The following MARCHF1 variants were observed in gnomAD, a reference collection of about 807,000 sequenced individuals.
The protein encoded by MARCHF1 is membrane associated ring-CH-type finger 1.
In MARCHF1, 40 loss-of-function variants were observed where a neutral mutation model predicts 54.2. That is an observed-to-expected ratio of 0.74 (90% CI 0.57 to 0.96). MARCHF1 has a LOEUF of 0.96. MARCHF1 is among the 40% of genes least tolerant of loss of function. MARCHF1 has a pLI of 0.00. For synonymous variants in MARCHF1, 236 were observed against 236.3 expected (o/e 1.00, Z 0.01); for missense variants, 586 against 656.5 (o/e 0.89, Z 1.17).
At chr4:163,543,567 G>A (rs1463686639) in intron 9 of MARCHF1, among the ~76,000 whole-genome samples, 3 of 152,082 alleles carry the variant, frequency 2.0e-5, no homozygotes, top group African/African-American at 7.2e-5. Context: ...AATTTGGGAA[G>A]TTATCAGCGG....
chr4:164,230,439 G>A (rs1037804221), intron 1 of MARCHF1, among the ~76,000 whole-genome samples: 40 of 151,616 alleles, frequency 2.6e-4, no homozygotes, highest in African/African-American at 9.4e-4. Context: ...TATTTGAGGG[G>A]AACATGTAAC....
intron 1 of MARCHF1, among the ~76,000 whole-genome samples, chr4:164,325,290 T>C (rs956476595): frequency 1.3e-5 from 2 of 148,756 alleles, no homozygotes; most frequent in Non-Finnish European, 3.0e-5. Context: ...AAGAACATCA[T>C]ACAAGAGAAA....
At chr4:164,341,621 C>T (rs753009246) in intron 1 of MARCHF1, among the ~76,000 whole-genome samples, 1 of 152,172 alleles carries the variant, frequency 6.6e-6, no homozygotes, top group African/African-American at 2.4e-5. Flanking sequence ...CCATAAATGG[C>T]ATCAGGTTGC....
chr4:164,292,333 G>GT (rs774657755), intron 1 of MARCHF1, among the ~76,000 whole-genome samples: 208 of 151,846 alleles, frequency 1.4e-3, no homozygotes, highest in Non-Finnish European at 2.1e-3. Flanking sequence ...ATGGTTATGC[G>GT]TTTTTTTTCA....
At chr4:164,268,947 G>A (rs964365952) in intron 1 of MARCHF1, among the ~76,000 whole-genome samples, 4 of 152,248 alleles carry the variant, frequency 2.6e-5, no homozygotes, top group East Asian at 1.9e-4. Flanking sequence ...TCAGAATTCT[G>A]AGAAGCTTGA....
intron 4 of MARCHF1, among the ~76,000 whole-genome samples, chr4:163,704,736 C>T (rs1241069284): frequency 1.3e-5 from 2 of 150,970 alleles, no homozygotes; most frequent in Non-Finnish European, 3.0e-5. Context: ...AAAGCTGTAT[C>T]CAGATAACAG....
At chr4:164,051,689 A>C (rs537140278) in intron 2 of MARCHF1, among the ~76,000 whole-genome samples, 21 of 152,300 alleles carry the variant, frequency 1.4e-4, no homozygotes, top group African/African-American at 4.1e-4. Context: ...AAAGTAGCAA[A>C]GCCAGCATTT....
intron 1 of MARCHF1, among the ~76,000 whole-genome samples, chr4:164,161,542 TCATCAGCAGCAGCAG>T (rs1730238344): frequency 6.6e-6 from 1 of 151,182 alleles, no homozygotes; most frequent in African/African-American, 2.4e-5. Flanking sequence ...ATCATCATCA[TCATCAGCAGCAGCAG>T]CAGCAGCAGC....
At chr4:163,821,096 CT>C (rs1748680136) in intron 4 of MARCHF1, among the ~76,000 whole-genome samples, 1 of 152,050 alleles carries the variant, frequency 6.6e-6, no homozygotes, top group Non-Finnish European at 1.5e-5. Context: ...TCTCCCTGGC[CT>C]TCTAGGCTTT....
At position 164,183,254 on chromosome 4, in the gene MARCHF1, ACTT is replaced by A. The variant is rs1434720482; in HGVS notation, c.-322-71595_-322-71593del. On this transcript the variant is annotated intron_variant, in intron 1 of 9. Transcript: ENST00000514618. ...AATTCAATTCACTCTACATAATCAT[ACTT>A]ATTATTGCCAAATGAATGTATGATT... Among the ~76,000 whole-genome samples the A allele has an allele frequency of 1.8e-4, 27 of 152,298 alleles. 1 individual carries two copies. The highest frequency in any genetic ancestry group is 6.5e-4 in the African/African-American group (27 of 41,582).
intron 5 of MARCHF1, among the ~76,000 whole-genome samples, chr4:163,638,309 C>T (rs1032472633): frequency 1.3e-5 from 2 of 149,824 alleles, no homozygotes; most frequent in African/African-American, 2.5e-5. Flanking sequence ...TGGTGAAAAA[C>T]GTATGGATCA....
chr4:163,979,805 C>T (rs1379611367), intron 3 of MARCHF1, among the ~76,000 whole-genome samples: 1 of 152,032 alleles, frequency 6.6e-6, no homozygotes, highest in Non-Finnish European at 1.5e-5. Flanking sequence ...TGTTTTTTGG[C>T]TGCATAAATG....
At chr4:163,592,438 A>T in intron 7 of MARCHF1, among the ~76,000 whole-genome samples, 1 of 152,128 alleles carries the variant, frequency 6.6e-6, no homozygotes, top group African/African-American at 2.4e-5. Flanking sequence ...AACAACAAAG[A>T]CAATGACATG....
intron 2 of MARCHF1, among the ~76,000 whole-genome samples, chr4:164,028,339 G>A (rs762834385): frequency 1.3e-5 from 2 of 152,054 alleles, no homozygotes; most frequent in Admixed American, 1.3e-4. Flanking sequence ...CATCAGTGGT[G>A]GACTGGATAA....
intron 3 of MARCHF1, among the ~76,000 whole-genome samples, chr4:163,893,057 C>T (rs555520611): frequency 2.1e-4 from 32 of 151,482 alleles, no homozygotes; most frequent in African/African-American, 7.5e-4. Flanking sequence ...ACCTTTGCCC[C>T]AGAAGGATTT....
intron 5 of MARCHF1, among the ~76,000 whole-genome samples, chr4:163,625,858 G>T (rs970164780): frequency 2.0e-5 from 3 of 152,112 alleles, no homozygotes; most frequent in African/African-American, 7.2e-5. Context: ...TTTTTAAAAA[G>T]AAAACACTGT....
chr4:164,024,989 GA>G, intron 2 of MARCHF1, among the ~76,000 whole-genome samples: 1 of 152,292 alleles, frequency 6.6e-6, no homozygotes, highest in East Asian at 1.9e-4. Flanking sequence ...GAAGGACAAA[GA>G]AGGGCATTAC....
At chr4:164,358,454 G>A (rs986992379) in intron 1 of MARCHF1, among the ~76,000 whole-genome samples, 3 of 152,124 alleles carry the variant, frequency 2.0e-5, no homozygotes, top group Non-Finnish European at 2.9e-5. Context: ...GAAGAAAACT[G>A]ATAAGAAACA....
At chr4:164,373,229 T>C (rs1256831942) in intron 1 of MARCHF1, among the ~76,000 whole-genome samples, 3 of 152,100 alleles carry the variant, frequency 2.0e-5, no homozygotes, top group African/African-American at 4.8e-5. Flanking sequence ...ATCTCACTAG[T>C]GAGTGGAGAT....
Sources: gnomAD v4.1 joint callset for allele counts (sites outside exome capture counted in the v4.1 genomes callset) on GRCh38, gnomAD v4.1.1 for gene constraint, MANE v1.5 for transcripts, NCBI Gene and HGNC (gene_info 2026-07-23, HGNC 2026-07-21) for gene names.